NEO1: variants seen among roughly 807,000 people sequenced by gnomAD.
NEO1 encodes the protein neogenin.
A neutral mutation model predicts 159.7 loss-of-function variants in NEO1; 63 were observed. That is an observed-to-expected ratio of 0.39 (90% CI 0.32 to 0.49). The LOEUF is 0.49. Among genes scored for constraint, NEO1 ranks in the 20% least tolerant of loss-of-function variants. The probability of loss-of-function intolerance (pLI) is 0.85; values close to 1 mark genes in which losing one functional copy is unlikely to be tolerated. For missense variants in NEO1, 1,615 were observed against 1,831.0 expected (o/e 0.88, Z 2.15); for synonymous variants, 633 against 662.0 (o/e 0.96, Z 0.67).
intron 5 of NEO1, among the ~76,000 whole-genome samples, chr15:73,174,201 A>G (rs942671206): frequency 4.6e-5 from 7 of 152,190 alleles, no homozygotes; most frequent in African/African-American, 1.7e-4. Context: ...ATTAGCTATG[A>G]CTACCTCTTG....
intron 7 of NEO1, among the ~76,000 whole-genome samples, chr15:73,180,131 C>T (rs2035517412): frequency 6.6e-6 from 1 of 152,020 alleles, no homozygotes; most frequent in Admixed American, 6.6e-5. Flanking sequence ...AAAAAGATGC[C>T]ACTTTAGACA....
rs778980899 is a variant in NEO1, at chr15:73,258,796, G to A, written c.2123G>A (p.Arg708Gln). ...GLDRGTEYNF[R>Q]VAALTINGTG... ...GATCGGGGGACTGAGTATAATTTCC[G>A]AGTGGCTGCTCTAACAATCAATGGT... is the stretch of plus-strand genomic sequence containing the variant. Residue 708 changes from arginine to glutamine, a missense_variant, in exon 14 of 29, where the codon CGA becomes CAA. By Grantham distance (43) the Arg-to-Gln change is conservative. Coordinates refer to ENST00000261908, the MANE Select transcript of NEO1 (RefSeq NM_002499.4). The A allele has an allele frequency of 4.3e-6, 7 of 1,613,700 alleles. No homozygotes were observed. Among genetic ancestry groups the A allele is most frequent in the African/African-American group, 2.7e-5 (2 of 74,882 alleles).
At chr15:73,296,895 T>C (rs1039914426) in intron 26 of NEO1, among the ~76,000 whole-genome samples, 1 of 152,208 alleles carries the variant, frequency 6.6e-6, no homozygotes, top group Admixed American at 6.5e-5. Context: ...ATTATTTATT[T>C]CTGGAATTTT....
intron 16 of NEO1, among the ~76,000 whole-genome samples, chr15:73,269,208 C>T (rs2041055402): frequency 6.6e-6 from 1 of 152,156 alleles, no homozygotes. Context: ...GTGTTGGACC[C>T]TTACATGAAT....
chr15:73,253,783 T>A (rs2040203039), intron 12 of NEO1, among the ~76,000 whole-genome samples: 1 of 152,244 alleles, frequency 6.6e-6, no homozygotes, highest in Non-Finnish European at 1.5e-5. Flanking sequence ...AACATTACAT[T>A]CTAGATGTTA....
At chr15:73,105,362 T>A (rs2070633503) in intron 1 of NEO1, among the ~76,000 whole-genome samples, 1 of 152,226 alleles carries the variant, frequency 6.6e-6, no homozygotes, top group Non-Finnish European at 1.5e-5. Flanking sequence ...TTGTGTAGTT[T>A]CTGGTTTATT....
intron 4 of NEO1, among the ~76,000 whole-genome samples, chr15:73,127,145 C>T (rs181847399): frequency 6.6e-6 from 1 of 151,686 alleles, no homozygotes; most frequent in African/African-American, 2.4e-5. Flanking sequence ...GCAGAAGAAT[C>T]GCTTTAACCC....
intron 7 of NEO1, among the ~76,000 whole-genome samples, chr15:73,200,545 T>G: frequency 7.1e-6 from 1 of 141,758 alleles, no homozygotes. Context: ...GAGAGAGGAC[T>G]GAAAGGGAAG....
intron 5 of NEO1, among the ~76,000 whole-genome samples, chr15:73,149,088 G>A (rs948920377): frequency 5.3e-5 from 8 of 152,076 alleles, no homozygotes; most frequent in Middle Eastern, 3.4e-3. Flanking sequence ...AGGCCGAGGC[G>A]AGTGGATCAC....
At chr15:73,096,241 A>C (rs1346850380) in intron 1 of NEO1, among the ~76,000 whole-genome samples, 1 of 152,236 alleles carries the variant, frequency 6.6e-6, no homozygotes, top group East Asian at 1.9e-4. Context: ...CGGCTTACAC[A>C]ATTATGACTG....
At position 73,283,122 on chromosome 15, in the gene NEO1, C is replaced by G. The variant is rs759174016; in HGVS notation, c.3410+11C>G. The G allele has an allele frequency of 5.0e-6, 8 of 1,613,804 alleles. No homozygotes were observed. The South Asian group carries it at 8.8e-5, about 18-fold the overall frequency. ...CTCTCACCAGAAAAAGTAAGAAGCC[C>G]CAGATGCACCCCTTAGATTTTTGGC... On this transcript the variant is annotated intron_variant, in intron 23 of 28. Coordinates refer to ENST00000261908, the MANE Select transcript of NEO1 (RefSeq NM_002499.4).
intron 7 of NEO1, among the ~76,000 whole-genome samples, chr15:73,188,734 TAA>T (rs1459515910): frequency 1.3e-5 from 2 of 152,232 alleles, no homozygotes; most frequent in Non-Finnish European, 2.9e-5. Flanking sequence ...ACATTTTTAC[TAA>T]GAGTGAAGAA....
intron 8 of NEO1, among the ~76,000 whole-genome samples, chr15:73,238,627 C>T (rs1243207159): frequency 6.6e-6 from 1 of 151,454 alleles, no homozygotes; most frequent in South Asian, 2.1e-4. Flanking sequence ...ATTTGGAGAA[C>T]AGGAAAGGGC....
intron 13 of NEO1, among the ~76,000 whole-genome samples, chr15:73,256,377 A>G (rs548818500): frequency 6.6e-6 from 1 of 152,286 alleles, no homozygotes; most frequent in Non-Finnish European, 1.5e-5. Flanking sequence ...GCACCCACCT[A>G]TGATCCCAGC....
In NEO1 at chr15:73,182,508, G is replaced by A. The variant is rs147020978; in HGVS notation, c.1291+4081G>A. ...TATATTAGTTCATTTTCACACTGCT[G>A]ATAAAGACATACCTGAGACTGGGTA... On this transcript the variant is annotated intron_variant, in intron 7 of 28. Coordinates refer to ENST00000261908, the MANE Select transcript of NEO1 (RefSeq NM_002499.4). Among the ~76,000 whole-genome samples the A allele has an allele frequency of 3.6e-3, 553 of 152,176 alleles. 5 individuals carry two copies. Among genetic ancestry groups the A allele is most frequent in the African/African-American group, 0.013 (528 of 41,516 alleles).
intron 1 of NEO1, among the ~76,000 whole-genome samples, chr15:73,083,214 G>C (rs1440359015): frequency 6.6e-6 from 1 of 152,190 alleles, no homozygotes; most frequent in Non-Finnish European, 1.5e-5. Context: ...AAACTGAAAA[G>C]AGGTCAGGCA....
chr15:73,071,766 G>A (rs936086260), intron 1 of NEO1, among the ~76,000 whole-genome samples: 7 of 152,062 alleles, frequency 4.6e-5, no homozygotes, highest in Admixed American at 1.3e-4. Flanking sequence ...TCGGCCCACC[G>A]TGGCTTCCCA....
At chr15:73,100,987 C>T (rs2070372499) in intron 1 of NEO1, among the ~76,000 whole-genome samples, 1 of 152,136 alleles carries the variant, frequency 6.6e-6, no homozygotes, top group Non-Finnish European at 1.5e-5. Context: ...AACTAACTAC[C>T]ACCAGACCTA....
chr15:73,231,917 A>G (rs2038931926), intron 7 of NEO1, among the ~76,000 whole-genome samples: 1 of 152,214 alleles, frequency 6.6e-6, no homozygotes, highest in Non-Finnish European at 1.5e-5. Flanking sequence ...CTTATCAATA[A>G]GGTAAACTCT....
Sources: gnomAD v4.1 joint callset for allele counts (sites outside exome capture counted in the v4.1 genomes callset) on GRCh38, gnomAD v4.1.1 for gene constraint, MANE v1.5 for transcripts, NCBI Gene and HGNC (gene_info 2026-07-23, HGNC 2026-07-21) for gene names.